The following KAZN variants were observed in gnomAD, a reference collection of about 807,000 sequenced individuals.
KAZN encodes kazrin.
KAZN carries 40 observed loss-of-function variants against 87.4 expected under a neutral mutation model. That is an observed-to-expected ratio of 0.46 (90% CI 0.36 to 0.60). The LOEUF is 0.60. Among genes scored for constraint, KAZN ranks in the 20% least tolerant of loss-of-function variants. The pLI is 0.00. For synonymous variants in KAZN, 466 were observed against 458.3 expected, an observed-to-expected ratio of 1.02 and a Z score of -0.22; for missense variants, 898 against 1,073.9, an observed-to-expected ratio of 0.84 and a Z score of 2.29.
intron 1 of KAZN, among the ~76,000 whole-genome samples, chr1:14,078,661 G>A (rs1376404460): frequency 6.6e-6 from 1 of 151,864 alleles, no homozygotes; most frequent in Non-Finnish European, 1.5e-5. Flanking sequence ...AGGATGGAAG[G>A]GGCAAGGCAG....
chr1:14,598,593 A>C, upstream of KAZN: 2 of 969,534 alleles, frequency 2.1e-6, no homozygotes, highest in Non-Finnish European at 2.5e-6. This position sits in a 1 kb window ranked among gnomAD's most constrained non-coding sequence, Gnocchi z 4.2. Context: ...GCGGGAGGCC[A>C]AGGGTGCCCC....
Position 14,715,956 on chromosome 1 carries a change from G to A in KAZN, c.226+116733G>A, listed in dbSNP as rs199805731. Among the ~76,000 whole-genome samples, 8 of 152,238 alleles carry A rather than the reference G, an allele frequency of 5.3e-5. 1 individual carries two copies. The highest frequency in any genetic ancestry group is 3.3e-4 in the Admixed American group (5 of 15,290). On this transcript the variant is annotated intron_variant, in intron 1 of 14. Transcript: ENST00000376030. The stretch of plus-strand genomic sequence containing the variant: ...TGTTTCTAAGGATGGGGGTGAAAGC[G>A]GTGCAACTGAAGGTCTTTAATCAAC...
At chr1:14,072,662 C>T (rs1570670467) in intron 1 of KAZN, among the ~76,000 whole-genome samples, 1 of 152,194 alleles carries the variant, frequency 6.6e-6, no homozygotes, top group African/African-American at 2.4e-5. Context: ...AGTGTGCACA[C>T]CTAAGTCATA....
intron 1 of KAZN, among the ~76,000 whole-genome samples, chr1:13,955,548 A>G (rs949150902): frequency 2.6e-5 from 4 of 152,078 alleles, no homozygotes; most frequent in African/African-American, 9.7e-5. Context: ...ATTGGGGATG[A>G]TGGCATTTGG....
chr1:15,094,595 C>T lies in KAZN; in HGVS notation c.1428+210C>T, dbSNP rs1052655810. ...TCAGCTGCCTCATCCTGACAATGGA[C>T]CCAGGTTTCCTTTACCTGCCTAAGG... On this transcript the variant is annotated intron_variant, in intron 9 of 14. Coordinates refer to ENST00000376030, the MANE Select transcript of KAZN (RefSeq NM_201628.3). The surrounding 1 kb of genome is among the most constrained non-coding windows in gnomAD (Gnocchi z 4.5). Among the ~76,000 whole-genome samples, 7 of 152,192 alleles carry T rather than the reference C, an allele frequency of 4.6e-5. No homozygotes were observed. The highest frequency in any genetic ancestry group is 1.7e-4 in the African/African-American group (7 of 41,444).
chr1:14,581,629 T>C (rs1426788250), intron 2 of KAZN, among the ~76,000 whole-genome samples: 1 of 152,150 alleles, frequency 6.6e-6, no homozygotes, highest in Non-Finnish European at 1.5e-5. Context: ...CTACAAGACC[T>C]CACAGTCCCC....
intron 1 of KAZN, among the ~76,000 whole-genome samples, chr1:14,180,024 A>G (rs1033230335): frequency 4.6e-5 from 7 of 152,240 alleles, no homozygotes; most frequent in African/African-American, 1.7e-4. Context: ...CTGTATTACC[A>G]TAAATGTAAA....
In KAZN at chr1:14,703,938, A is replaced by G. The variant is rs1642067446; in HGVS notation, c.226+104715A>G. On this transcript the variant is annotated intron_variant, in intron 1 of 14. Transcript: ENST00000376030. ...ATTGACCAGTCCTTCAGAGAAAAGG[A>G]AGCAAAAGGGCCAGGAGAATGTGGC... is the stretch of plus-strand genomic sequence containing the variant. Among the ~76,000 whole-genome samples, 3 of 152,342 alleles carry G rather than the reference A, an allele frequency of 2.0e-5. No individual in the cohort carries two copies. In the South Asian group the frequency reaches 6.2e-4, roughly 32 times the overall value.
At chr1:14,026,677 C>T (rs1641086418) in intron 1 of KAZN, among the ~76,000 whole-genome samples, 1 of 152,164 alleles carries the variant, frequency 6.6e-6, no homozygotes, top group Middle Eastern at 3.2e-3. Context: ...TGTTAAAATA[C>T]AGATTCTGAT....
intron 2 of KAZN, among the ~76,000 whole-genome samples, chr1:15,026,732 A>G (rs1329253692): frequency 1.3e-5 from 2 of 152,186 alleles, no homozygotes; most frequent in South Asian, 2.1e-4. Flanking sequence ...GGAAAAAAAA[A>G]AAATGGATAG....
At chr1:14,527,882 T>C (rs1188116496) in intron 2 of KAZN, among the ~76,000 whole-genome samples, 1 of 152,012 alleles carries the variant, frequency 6.6e-6, no homozygotes, top group Non-Finnish European at 1.5e-5. Context: ...CCTCCAACAG[T>C]GGGAATTAAT....
intron 2 of KAZN, among the ~76,000 whole-genome samples, chr1:14,972,520 T>TC (rs1172543466): frequency 6.6e-6 from 1 of 151,732 alleles, no homozygotes; most frequent in Admixed American, 6.6e-5. Flanking sequence ...TGGGAACTTT[T>TC]TTTTTTTTTT....
At chr1:14,225,151 C>G (rs746598272) in intron 2 of KAZN, among the ~76,000 whole-genome samples, 2 of 152,022 alleles carry the variant, frequency 1.3e-5, no homozygotes, top group African/African-American at 2.4e-5. Context: ...CTAGAAAACC[C>G]CAGTCTTTGC....
intron 1 of KAZN, among the ~76,000 whole-genome samples, chr1:13,987,079 A>G (rs1639053562): frequency 6.6e-6 from 1 of 152,184 alleles, no homozygotes; most frequent in Non-Finnish European, 1.5e-5. Context: ...TGTGGGATTT[A>G]TCTGACAGAA....
At chr1:14,534,846 T>C (rs1253766963) in intron 2 of KAZN, among the ~76,000 whole-genome samples, 1 of 152,016 alleles carries the variant, frequency 6.6e-6, no homozygotes, top group Non-Finnish European at 1.5e-5. Flanking sequence ...TTGAAACTCA[T>C]CTATGGAGAA....
At position 14,361,044 on chromosome 1, in the gene KAZN, T is replaced by C. The variant is rs541440985; in HGVS notation, c.249+180452T>C. 2.1e-4 allele frequency among the ~76,000 whole-genome samples: 32 copies of C among 152,350 alleles called. No homozygotes were observed. The East Asian group carries it at 5.2e-3, about 25-fold the overall frequency. ...TCTGCTGAAGCTGCACAGCTGCCCC[T>C]TGCCCCAGGTGCTCTGTCCCACGGA... is the stretch of plus-strand genomic sequence containing the variant. On this transcript the variant is annotated intron_variant, in intron 2 of 16. Coordinates refer to the KAZN transcript ENST00000636203.
chr1:14,049,320 G>T (rs1642209960), intron 1 of KAZN, among the ~76,000 whole-genome samples: 2 of 151,910 alleles, frequency 1.3e-5, no homozygotes, highest in South Asian at 4.2e-4. Flanking sequence ...CTGTTGTGGG[G>T]TGGGGGGAGC....
At chr1:14,663,203 C>T (rs1639307580) in intron 1 of KAZN, among the ~76,000 whole-genome samples, 1 of 152,026 alleles carries the variant, frequency 6.6e-6, no homozygotes, top group African/African-American at 2.4e-5. Context: ...TCTCAAACTC[C>T]AGGACTCAAG....
At chr1:13,966,484 G>A (rs1641949555) in intron 1 of KAZN, among the ~76,000 whole-genome samples, 1 of 152,164 alleles carries the variant, frequency 6.6e-6, no homozygotes, top group African/African-American at 2.4e-5. Context: ...ATCCTTGGAA[G>A]GACTCCATGG....
Sources: gnomAD v4.1 joint callset for allele counts (sites outside exome capture counted in the v4.1 genomes callset) on GRCh38, gnomAD v4.1.1 for gene constraint, Gnocchi (gnomAD v3.1) non-coding constraint, MANE v1.5 for transcripts, NCBI Gene and HGNC (gene_info 2026-07-23, HGNC 2026-07-21) for gene names.